Variants in PRLR observed in about 807,000 individuals in gnomAD.
PRLR encodes the protein prolactin receptor, also known as hPRL receptor.
Under a neutral mutation model 40.2 loss-of-function variants are expected in PRLR, and 13 were observed. The ratio of observed to expected loss-of-function variants is 0.32; its 90% CI spans 0.21 to 0.51. The LOEUF (loss-of-function observed/expected upper bound fraction) is 0.51. PRLR is among the 20% of genes least tolerant of loss of function. The pLI, the probability that PRLR is intolerant of heterozygous loss-of-function variation, is 0.97. For synonymous variants in PRLR, 269 were observed against 278.7 expected (o/e 0.97, Z 0.35); for missense variants, 656 against 747.3 (o/e 0.88, Z 1.42).
chr5:35,068,960 C>A (rs1157839392), intron 7 of PRLR, 82 bp from the exon 8 acceptor site: 18 of 1,009,292 alleles, frequency 1.8e-5, no homozygotes, highest in Non-Finnish European at 2.5e-5. Context: ...AACTCTTAAA[C>A]CCAAGAGTGT....
chr5:35,079,444 A>G (rs1458356807), intron 5 of PRLR, among the ~76,000 whole-genome samples: 2 of 152,120 alleles, frequency 1.3e-5, no homozygotes, highest in Non-Finnish European at 2.9e-5. Context: ...TCATGAGTGA[A>G]CTCCCATTCA....
chr5:35,190,964 G>A (rs564163089), intron 1 of PRLR, among the ~76,000 whole-genome samples: 2 of 151,702 alleles, frequency 1.3e-5, no homozygotes, highest in East Asian at 2.0e-4. Context: ...TACATAATGG[G>A]GATTTTATAC....
chr5:35,193,980 C>G (rs1187930757), intron 1 of PRLR, among the ~76,000 whole-genome samples: 1 of 152,090 alleles, frequency 6.6e-6, no homozygotes, highest in Admixed American at 6.5e-5. Context: ...TGGTTCTGTC[C>G]ACGGAGCATC....
chr5:35,134,846 T>C (rs1773801540), intron 1 of PRLR, among the ~76,000 whole-genome samples: 1 of 152,190 alleles, frequency 6.6e-6, no homozygotes, highest in South Asian at 2.1e-4. Context: ...TCCCTAGATG[T>C]TCTGATTTAA....
At chr5:35,160,829 G>T (rs2111904358) in intron 1 of PRLR, among the ~76,000 whole-genome samples, 1 of 152,250 alleles carries the variant, frequency 6.6e-6, no homozygotes, top group Admixed American at 6.5e-5. Flanking sequence ...CAACCAATCA[G>T]TGGAAAGCAC....
At chr5:35,172,401 AG>A (rs974526570) in intron 1 of PRLR, among the ~76,000 whole-genome samples, 2 of 152,118 alleles carry the variant, frequency 1.3e-5, no homozygotes, top group African/African-American at 4.8e-5. Context: ...AGTGAGGCTG[AG>A]GGTACTCATC....
At chr5:35,161,401 A>G (rs1579748621) in intron 1 of PRLR, among the ~76,000 whole-genome samples, 1 of 152,354 alleles carries the variant, frequency 6.6e-6, no homozygotes, top group East Asian at 1.9e-4. Context: ...CACATTCATC[A>G]TGACCAAAGA....
chr5:35,080,914 A>G (rs1346519476), intron 5 of PRLR, among the ~76,000 whole-genome samples: 10 of 151,988 alleles, frequency 6.6e-5, no homozygotes, highest in Non-Finnish European at 1.5e-4. Context: ...GCTGGAATCC[A>G]TCATTCTCAG....
intron 2 of PRLR, among the ~76,000 whole-genome samples, chr5:35,100,418 T>G (rs1771806750): frequency 6.6e-6 from 1 of 152,178 alleles, no homozygotes; most frequent in African/African-American, 2.4e-5. Flanking sequence ...GCAAGCTTTA[T>G]TCATGGTAAG....
intron 1 of PRLR, among the ~76,000 whole-genome samples, chr5:35,222,281 G>A (rs1776443507): frequency 6.7e-6 from 1 of 148,246 alleles, no homozygotes; most frequent in African/African-American, 2.5e-5. Flanking sequence ...CCAGCCTGGA[G>A]ACAGAGCAAG....
intron 6 of PRLR, among the ~76,000 whole-genome samples, chr5:35,070,775 G>A (rs947144642): frequency 1.0e-4 from 15 of 150,006 alleles, no homozygotes; most frequent in African/African-American, 3.2e-4. Context: ...CCTGGGAGGC[G>A]GATGTTTCAG....
In PRLR at chr5:35,084,482, C is replaced by T. The variant is rs530061219; in HGVS notation, c.361G>A (p.Val121Met). 7.6e-6 allele frequency: 12 copies of T among 1,570,282 alleles called. No homozygotes were observed. The highest frequency in any genetic ancestry group is 2.4e-5 in the South Asian group (2 of 82,406). Reference sequence around the variant, plus strand: ...TCCTTCCCCTTACCTATGTAAGTCACGTCCACATAAAGTTCATCCGAGAAA... The same window carrying T: ...TCCTTCCCCTTACCTATGTAAGTCATGTCCACATAAAGTTCATCCGAGAAA... The part of the protein sequence containing the change: ...SSFSDELYVD[V>M]TYIVQPDPPL... Residue 121 changes from valine (V) to methionine (M), a missense_variant, in exon 5 of 10, where the codon GTG becomes ATG. Coordinates refer to ENST00000618457, the MANE Select transcript of PRLR (RefSeq NM_000949.7).
At chr5:35,170,218 T>C (rs539486550) in intron 1 of PRLR, among the ~76,000 whole-genome samples, 1 of 152,228 alleles carries the variant, frequency 6.6e-6, no homozygotes, top group Non-Finnish European at 1.5e-5. Context: ...CTGTGCATTT[T>C]GATTGCAAAA....
chr5:35,187,822 G>A (rs1775488076), intron 1 of PRLR, among the ~76,000 whole-genome samples: 1 of 152,180 alleles, frequency 6.6e-6, no homozygotes, highest in Non-Finnish European at 1.5e-5. Flanking sequence ...TGTTTACCCA[G>A]TGAAATGAGA....
At chr5:35,089,441 C>A in intron 3 of PRLR, 110 bp downstream of exon 3, 1 of 776,958 alleles carries the variant, frequency 1.3e-6, no homozygotes, top group South Asian at 1.6e-5. Flanking sequence ...CAGCACATAA[C>A]ACAGCATTTT....
chr5:35,130,656 A>G (rs1296832180), intron 1 of PRLR, among the ~76,000 whole-genome samples: 2 of 152,196 alleles, frequency 1.3e-5, no homozygotes, highest in Non-Finnish European at 2.9e-5. Flanking sequence ...ACCTTCTCAT[A>G]ATGTCATTTG....
intron 1 of PRLR, among the ~76,000 whole-genome samples, chr5:35,225,902 G>A (rs999837294): frequency 1.3e-5 from 2 of 152,124 alleles, no homozygotes; most frequent in South Asian, 2.1e-4. Context: ...GGCTGGTCTC[G>A]AATTCCTGAG....
intron 1 of PRLR, among the ~76,000 whole-genome samples, chr5:35,165,481 G>A (rs1774796886): frequency 6.6e-6 from 1 of 152,158 alleles, no homozygotes; most frequent in Admixed American, 6.6e-5. Context: ...AGGTTCTTTA[G>A]GTGTTCTCAG....
At chr5:35,109,606 A>G (rs1772510765) in intron 2 of PRLR, among the ~76,000 whole-genome samples, 1 of 152,242 alleles carries the variant, frequency 6.6e-6, no homozygotes, top group African/African-American at 2.4e-5. Context: ...GCCAACAGAC[A>G]CATGAAAAAA....
Sources: allele counts gnomAD v4.1 joint callset (sites outside exome capture counted in the v4.1 genomes callset), GRCh38; gene constraint gnomAD v4.1.1; transcripts MANE v1.5; gene names NCBI Gene and HGNC (gene_info 2026-07-23, HGNC 2026-07-21).